CENPU: variants seen among roughly 807,000 people sequenced by gnomAD.
The protein encoded by CENPU is centromere protein U, also known as KSHV latent nuclear antigen interacting protein 1.
In CENPU, 46 loss-of-function variants were observed where a neutral mutation model predicts 56.7. The ratio of observed to expected loss-of-function variants is 0.81; its 90% CI spans 0.64 to 1.04. The LOEUF (loss-of-function observed/expected upper bound fraction) is 1.04. CENPU is among the 50% of genes least tolerant of loss of function. The pLI is 0.00. For missense variants in CENPU, 510 were observed against 490.1 expected, an observed-to-expected ratio of 1.04 and a Z score of -0.38; for synonymous variants, 166 against 163.0, an observed-to-expected ratio of 1.02 and a Z score of -0.14.
At chr4:184,717,315 G>A in intron 4 of CENPU, 119 bp from the exon 5 acceptor site, 1 of 740,494 alleles carries the variant, frequency 1.4e-6, no homozygotes, top group East Asian at 2.6e-5. Context: ...TATCCTATTT[G>A]TCACATACAA....
intron 8 of CENPU, among the ~76,000 whole-genome samples, chr4:184,705,692 G>A (rs942607984): frequency 6.6e-6 from 1 of 152,128 alleles, no homozygotes; most frequent in Non-Finnish European, 1.5e-5. Context: ...GCCAACAGGT[G>A]GAAGCAACCC....
chr4:184,712,809 G>A (rs1296438992), intron 7 of CENPU, 135 bp downstream of exon 7: 15 of 624,002 alleles, frequency 2.4e-5, no homozygotes, highest in Non-Finnish European at 3.5e-5. Context: ...TTACTCCAAA[G>A]TCACATATTC....
rs115878760 is a variant in CENPU at position 184,700,698 on chromosome 4, C to T, written c.986+122G>A. 6.2e-4 allele frequency: 536 copies of T among 865,856 alleles called. 3 individuals are homozygous for T. The African/African-American group carries it at 7.2e-3, about 12-fold the overall frequency. 53.6% of individuals were successfully genotyped at this position (865,856 alleles called of 1,614,324 possible). A position where few individuals can be genotyped will look rare whatever the true frequency, so the allele number is the denominator to read the frequency against. ...AGCATACCCTGCCTTCACTGAGTAT[C>T]GGAGCTTGAAGATAACCTGGGGCTT... On this transcript the variant is annotated intron_variant, in intron 11 of 12. Coordinates refer to ENST00000281453, the MANE Select transcript of CENPU (RefSeq NM_024629.4).
At chr4:184,712,652 A>G (rs1339369348) in intron 7 of CENPU, among the ~76,000 whole-genome samples, 5 of 152,232 alleles carry the variant, frequency 3.3e-5, no homozygotes, top group Non-Finnish European at 7.3e-5. Flanking sequence ...TAATGGATTA[A>G]TACTTGCTTT....
Position 184,716,544 on chromosome 4 carries a change from T to G in CENPU, c.471A>C (p.Ile157=), listed in dbSNP as rs746780393. 5.6e-6 allele frequency: 9 copies of G among 1,614,098 alleles called. No homozygotes were observed. The Admixed American group carries it at 1.5e-4, about 27-fold the overall frequency. ...TRRKVKSAEK[I]STQRHEVIRT... is the part of the protein sequence containing the mutation. ...GAATAACCTCATGACGTTGTGTACT[T>G]ATTTTCTCTGCTGATTTAACTTTTC... is the stretch of plus-strand genomic sequence containing the variant. Residue 157 remains isoleucine, a synonymous_variant, in exon 6 of 13, where the codon ATA becomes ATC. Coordinates refer to ENST00000281453, the MANE Select transcript of CENPU (RefSeq NM_024629.4).
In CENPU at chr4:184,722,690, A is replaced by AAAAAC. The variant is rs199579853; in HGVS notation, c.320+2262_320+2266dup. ...TTTGTCAAAAGAGAGATGAACCAGT[A>AAAAAC]AAAACAAAACAAAACAAAACAAAAC... On this transcript the variant is annotated intron_variant, in intron 4 of 12. Coordinates refer to ENST00000281453, the MANE Select transcript of CENPU (RefSeq NM_024629.4). 1.3e-3 allele frequency among the ~76,000 whole-genome samples: 187 copies of AAAAAC among 147,274 alleles called. 2 individuals carry two copies. The East Asian group carries it at 0.019, about 15-fold the overall frequency.
At chr4:184,725,140 G>A in intron 3 of CENPU, 78 bp from the exon 4 acceptor site, 1 of 783,232 alleles carries the variant, frequency 1.3e-6, no homozygotes, top group Non-Finnish European at 2.0e-6. Context: ...CCCTTACAAT[G>A]GAGTACAAAA....
In CENPU at chr4:184,694,136, A is replaced by ATACTT. The variant is rs1759860342; in HGVS notation, c.*1147_*1151dup. 2.6e-6 allele frequency: 2 copies of ATACTT among 766,136 alleles called. No homozygotes were observed. Among genetic ancestry groups the ATACTT allele is most frequent in the Non-Finnish European group, 3.2e-6 (2 of 629,972 alleles). The allele number at this position is 766,136 out of a possible 1,614,324, so 47.5% of individuals were successfully genotyped here. On this transcript the variant is annotated 3_prime_UTR_variant, in exon 13 of 13. Coordinates refer to ENST00000281453, the MANE Select transcript of CENPU (RefSeq NM_024629.4). ...TCAATCCATGTTTACGATTTGCTAAATACTTTAAAATTTAAAGCATGGGTA... is the reference window on the plus strand; with the variant it reads ...TCAATCCATGTTTACGATTTGCTAAATACTTTACTTTAAAATTTAAAGCATGGGTA...
At chr4:184,727,116 C>CAAA (rs59124760) in intron 3 of CENPU, among the ~76,000 whole-genome samples, 4 of 86,772 alleles carry the variant, frequency 4.6e-5, no homozygotes, top group African/African-American at 1.2e-4. Flanking sequence ...ACTTCGTCTC[C>CAAA]AAAAAAAAAA....
At chr4:184,695,624 ATCT>A (rs1165474969) in intron 12 of CENPU, among the ~76,000 whole-genome samples, 6 of 152,160 alleles carry the variant, frequency 3.9e-5, no homozygotes, top group Non-Finnish European at 5.9e-5. Context: ...GCTTGAACTG[ATCT>A]TCTTATCCCA....
At chr4:184,715,495 T>C (rs2003992) in intron 6 of CENPU, among the ~76,000 whole-genome samples, 17,291 of 152,112 alleles carry the variant, frequency 0.11, 1,242 homozygotes, top group Middle Eastern at 0.17. Context: ...GTATTTTCAG[T>C]AGAGATGGGG....
chr4:184,716,307 T>A, intron 6 of CENPU, 90 bp downstream of exon 6: 1 of 784,052 alleles, frequency 1.3e-6, no homozygotes, highest in Non-Finnish European at 2.1e-6. Context: ...TTTGAAAAGA[T>A]CTGAAGGAAA....
intron 8 of CENPU, among the ~76,000 whole-genome samples, chr4:184,705,690 G>A (rs1760703672): frequency 6.6e-6 from 1 of 152,138 alleles, no homozygotes; most frequent in Non-Finnish European, 1.5e-5. Context: ...CAGCCAACAG[G>A]TGGAAGCAAC....
chr4:184,729,463 C>T (rs1027387106), intron 2 of CENPU, among the ~76,000 whole-genome samples: 1 of 152,238 alleles, frequency 6.6e-6, no homozygotes, highest in Non-Finnish European at 1.5e-5. Flanking sequence ...AAAGAATGAG[C>T]ATGGCTGTGT....
At chr4:184,708,222 CAAAAA>C (rs11322939) in intron 8 of CENPU, among the ~76,000 whole-genome samples, 4 of 89,816 alleles carry the variant, frequency 4.5e-5, no homozygotes, top group African/African-American at 1.2e-4. Context: ...GACTCCATCT[CAAAAA>C]AAAAAAAAAA....
chr4:184,708,875 TTTG>T (rs762144046), intron 8 of CENPU, among the ~76,000 whole-genome samples: 36 of 152,152 alleles, frequency 2.4e-4, no homozygotes, highest in Non-Finnish European at 1.6e-4. Flanking sequence ...CTAAGTGAAT[TTTG>T]TTGTTGTCTT....
intron 1 of CENPU, among the ~76,000 whole-genome samples, chr4:184,732,534 C>T (rs953403876): frequency 1.3e-5 from 2 of 152,138 alleles, no homozygotes; most frequent in African/African-American, 4.8e-5. Context: ...TCAAGGGTCA[C>T]ATAGCCAGGT....
In CENPU at chr4:184,728,912, A is replaced by G; in HGVS notation, c.214+6T>C. The G allele has an allele frequency of 6.3e-7, 1 of 1,599,460 alleles. No homozygotes were observed. The highest frequency in any genetic ancestry group is 8.6e-7 in the Non-Finnish European group (1 of 1,166,888). On this transcript the variant is annotated splice_donor_region_variant and intron_variant, in intron 3 of 12. Transcript: ENST00000281453. ...TTATGTTAGGATAAAGATTTAAAGT[A>G]CTAACCAAAGGTCTCATAAGTTTCT...
At chr4:184,733,862 G>A (rs1442523349) in intron 1 of CENPU, among the ~76,000 whole-genome samples, 154 bp downstream of exon 1, 2 of 152,344 alleles carry the variant, frequency 1.3e-5, no homozygotes, top group African/African-American at 4.8e-5. Flanking sequence ...ATCCCCACTA[G>A]ACTGAGGAGG....
Sources: gnomAD v4.1 joint callset for allele counts (sites outside exome capture counted in the v4.1 genomes callset) on GRCh38, gnomAD v4.1.1 for gene constraint, MANE v1.5 for transcripts, NCBI Gene and HGNC (gene_info 2026-07-23, HGNC 2026-07-21) for gene names.